The following NDUFAF6 variants were observed in gnomAD, a reference collection of about 807,000 sequenced individuals.
The protein encoded by NDUFAF6 is NADH dehydrogenase (ubiquinone) complex I, assembly factor 6.
A neutral mutation model predicts 40.8 loss-of-function variants in NDUFAF6; 45 were observed. That is an observed-to-expected ratio of 1.10 (90% CI 0.87 to 1.42). The LOEUF (loss-of-function observed/expected upper bound fraction) is 1.42. NDUFAF6 is among the 40% of genes most tolerant of loss of function. The pLI is 0.00. For missense variants in NDUFAF6, 435 were observed against 418.5 expected (o/e 1.04, Z -0.34); for synonymous variants, 185 against 155.9 (o/e 1.19, Z -1.39).
downstream of NDUFAF6, among the ~76,000 whole-genome samples, chr8:95,106,744 G>T (rs1809853125): frequency 1.3e-5 from 2 of 152,012 alleles, no homozygotes; most frequent in African/African-American, 2.4e-5. Flanking sequence ...CTGACAAAGG[G>T]CTAATATCCA....
chr8:94,987,017 T>C (rs1459019444), intron 2 of NDUFAF6, among the ~76,000 whole-genome samples: 2 of 152,214 alleles, frequency 1.3e-5, no homozygotes, highest in Non-Finnish European at 2.9e-5. Flanking sequence ...CATTGGTGTA[T>C]CCACCACTCA....
chr8:95,009,790 A>T (rs1370209139), intron 2 of NDUFAF6, among the ~76,000 whole-genome samples: 1 of 152,218 alleles, frequency 6.6e-6, no homozygotes, highest in African/African-American at 2.4e-5. Context: ...TTTAGAGAAT[A>T]AAGGGAATTT....
At chr8:95,092,183 AT>A (rs10689536) in intron 2 of NDUFAF6, among the ~76,000 whole-genome samples, 47 of 142,484 alleles carry the variant, frequency 3.3e-4, no homozygotes, top group Non-Finnish European at 3.6e-4. Context: ...CTTTGACACA[AT>A]TTTTTTTTTT....
At chr8:95,091,742 C>T (rs924716595) in intron 2 of NDUFAF6, among the ~76,000 whole-genome samples, 12 of 150,274 alleles carry the variant, frequency 8.0e-5, no homozygotes, top group Admixed American at 6.0e-4. Context: ...TGGGTTCAAG[C>T]GATCCCCCCC....
At chr8:95,081,788 G>T (rs1349106225) in intron 2 of NDUFAF6, among the ~76,000 whole-genome samples, 1 of 152,182 alleles carries the variant, frequency 6.6e-6, no homozygotes, top group Non-Finnish European at 1.5e-5. Context: ...TGGGCCGGGC[G>T]TGGTGGCTCA....
At chr8:95,015,320 A>T (rs1827397207) in intron 2 of NDUFAF6, among the ~76,000 whole-genome samples, 1 of 152,234 alleles carries the variant, frequency 6.6e-6, no homozygotes, top group Non-Finnish European at 1.5e-5. Context: ...GTATCTAATT[A>T]CAAAGTTAGT....
At chr8:94,968,598 A>C (rs1391391701) in intron 1 of NDUFAF6, among the ~76,000 whole-genome samples, 2 of 152,180 alleles carry the variant, frequency 1.3e-5, no homozygotes, top group African/African-American at 4.8e-5. Flanking sequence ...GCAAGGGAGG[A>C]GACCAAGTCA....
chr8:94,900,232 T>A (rs1817927594), intron 1 of NDUFAF6, among the ~76,000 whole-genome samples: 1 of 148,266 alleles, frequency 6.7e-6, no homozygotes, highest in South Asian at 2.1e-4. Context: ...ACCCTCTTTG[T>A]GGGATAAATG....
chr8:94,918,967 C>G (rs1819319096), intron 1 of NDUFAF6, among the ~76,000 whole-genome samples: 1 of 152,188 alleles, frequency 6.6e-6, no homozygotes, highest in Non-Finnish European at 1.5e-5. Context: ...GGGACACATT[C>G]TCTTTAGCCA....
chr8:94,986,813 G>A (rs910576272), intron 2 of NDUFAF6, among the ~76,000 whole-genome samples: 1 of 152,214 alleles, frequency 6.6e-6, no homozygotes, highest in African/African-American at 2.4e-5. Context: ...GAGCCAGTTA[G>A]GACTAAGAAA....
intron 1 of NDUFAF6, chr8:94,932,135 A>C: frequency 6.3e-7 from 1 of 1,599,626 alleles, no homozygotes; most frequent in Non-Finnish European, 8.5e-7. Flanking sequence ...TGAACTATTA[A>C]ATCACTAGTA....
chr8:94,906,401 C>T (rs889814377), intron 1 of NDUFAF6, among the ~76,000 whole-genome samples: 1 of 152,202 alleles, frequency 6.6e-6, no homozygotes, highest in East Asian at 1.9e-4. Flanking sequence ...ATGTATTTCT[C>T]CCGTCTCCCT....
At chr8:95,063,272 A>G (rs1832615571), downstream of NDUFAF6, among the ~76,000 whole-genome samples, 1 of 152,154 alleles carries the variant, frequency 6.6e-6, no homozygotes, top group African/African-American at 2.4e-5. Flanking sequence ...TTTTATTGTT[A>G]TTTGATAACT....
chr8:95,048,391 T>C lies in NDUFAF6; in HGVS notation c.715-66T>C, dbSNP rs528883479. On this transcript the variant is annotated intron_variant, in intron 6 of 8. Transcript: ENST00000396124. Reference sequence around the variant, plus strand: ...TTTTAATTGTTAGTTTAATTTTCTTTCCTAGGTGAACTGTTGGAAGGAAGT... The same window carrying C: ...TTTTAATTGTTAGTTTAATTTTCTTCCCTAGGTGAACTGTTGGAAGGAAGT... 1.2e-4 allele frequency: 129 copies of C among 1,113,420 alleles called. 1 individual carries two copies. The South Asian group carries it at 1.6e-3, about 13-fold the overall frequency. The allele number at this position is 1,113,420 out of a possible 1,614,324, so 69.0% of individuals were successfully genotyped here.
At chr8:95,008,628 T>TCTC (rs1466928881) in intron 2 of NDUFAF6, among the ~76,000 whole-genome samples, 2 of 152,122 alleles carry the variant, frequency 1.3e-5, no homozygotes, top group Non-Finnish European at 2.9e-5. Flanking sequence ...TGACTCAGCC[T>TCTC]CTCGAGTAGC....
At chr8:95,100,849 C>G (rs1045637336) in intron 1 of NDUFAF6, among the ~76,000 whole-genome samples, 1 of 152,074 alleles carries the variant, frequency 6.6e-6, no homozygotes, top group South Asian at 2.1e-4. Flanking sequence ...TTGGACAAAC[C>G]AAAGCTCAGC....
intron 2 of NDUFAF6, among the ~76,000 whole-genome samples, chr8:94,986,398 C>G (rs1029182056): frequency 1.3e-4 from 20 of 152,196 alleles, no homozygotes; most frequent in Non-Finnish European, 2.4e-4. Flanking sequence ...TATCTGGGTA[C>G]ACCTGTTTCC....
At chr8:94,921,707 A>T (rs1487284296) in intron 1 of NDUFAF6, among the ~76,000 whole-genome samples, 1 of 152,240 alleles carries the variant, frequency 6.6e-6, no homozygotes, top group Non-Finnish European at 1.5e-5. Flanking sequence ...CATCTGGGGA[A>T]TCCTACTAAA....
chr8:94,998,425 CA>C lies in NDUFAF6; in HGVS notation c.-84+17453del, dbSNP rs1254858663. Among the ~76,000 whole-genome samples, 8 of 151,606 alleles carry C rather than the reference CA, an allele frequency of 5.3e-5. No individual in the cohort carries two copies. In the South Asian group the frequency reaches 1.3e-3, roughly 24 times the overall value. On this transcript the variant is annotated intron_variant, in intron 2 of 9. Coordinates refer to the NDUFAF6 transcript ENST00000396111. ...ACACACACACACACACACGCAATGA[CA>C]GCATATTAAGGATACTGTATTGTAA...
Sources: allele counts gnomAD v4.1 joint callset (sites outside exome capture counted in the v4.1 genomes callset), GRCh38; gene constraint gnomAD v4.1.1; transcripts MANE v1.5; gene names NCBI Gene and HGNC (gene_info 2026-07-23, HGNC 2026-07-21).